Variants in INPP5A observed in about 807,000 individuals in gnomAD.
INPP5A encodes inositol polyphosphate-5-phosphatase A.
Under a neutral mutation model 65.2 loss-of-function variants are expected in INPP5A, and 14 were observed. The observed-to-expected ratio is 0.21, with a 90% CI of 0.14 to 0.34. INPP5A has a LOEUF of 0.34. INPP5A is among the 10% of genes least tolerant of loss of function. The pLI, the probability that INPP5A is intolerant of heterozygous loss-of-function variation, is 1.00. For missense variants in INPP5A, 431 were observed against 545.6 expected, an observed-to-expected ratio of 0.79 and a Z score of 2.09; for synonymous variants, 207 against 208.3, an observed-to-expected ratio of 0.99 and a Z score of 0.05.
Position 132,675,932 on chromosome 10 carries a change from G to A in INPP5A, c.307-14460G>A, listed in dbSNP as rs535639438. ...ATAATGCACATAACCAGTTTCTCCA[G>A]AACATGTATACATGAAATGTAATTG... On this transcript the variant is annotated intron_variant, in intron 4 of 15. Coordinates refer to ENST00000368594, the MANE Select transcript of INPP5A (RefSeq NM_005539.5). This position sits in a 1 kb window ranked among gnomAD's most constrained non-coding sequence, Gnocchi z 4.2. Among the ~76,000 whole-genome samples, 1 of 152,260 alleles carries A rather than the reference G, an allele frequency of 6.6e-6. No homozygotes were observed. The highest frequency in any genetic ancestry group is 1.9e-4 in the East Asian group (1 of 5,184).
chr10:132,712,543 C>T (rs935255975), intron 8 of INPP5A, among the ~76,000 whole-genome samples: 1 of 146,038 alleles, frequency 6.8e-6, no homozygotes, highest in Admixed American at 6.8e-5. Flanking sequence ...TGTGTGCACA[C>T]GTGGACACAT....
At chr10:132,649,275 C>T (rs1039501327) in intron 3 of INPP5A, among the ~76,000 whole-genome samples, 20 of 152,244 alleles carry the variant, frequency 1.3e-4, no homozygotes, top group African/African-American at 4.3e-4. Context: ...GCGTTCCTTT[C>T]GCTGTCTGGT....
Position 132,678,264 on chromosome 10 carries a change from G to T in INPP5A, c.307-12128G>T, listed in dbSNP as rs2072995277. Among the ~76,000 whole-genome samples the T allele has an allele frequency of 6.6e-6, 1 of 152,202 alleles. No individual in the cohort carries two copies. Among genetic ancestry groups the T allele is most frequent in the Non-Finnish European group, 1.5e-5 (1 of 68,030 alleles). On this transcript the variant is annotated intron_variant, in intron 4 of 15. Transcript: ENST00000368594. This position sits in a 1 kb window ranked among gnomAD's most constrained non-coding sequence, Gnocchi z 4.1. Reference sequence around the variant, plus strand: ...TGAGGACGCCGCCTTGTCCAGTTGGGTCAGCCGCCCATGAGTTCATTATAC... The same window carrying T: ...TGAGGACGCCGCCTTGTCCAGTTGGTTCAGCCGCCCATGAGTTCATTATAC...
At chr10:132,691,492 C>T (rs1233560139) in intron 5 of INPP5A, among the ~76,000 whole-genome samples, 1 of 152,244 alleles carries the variant, frequency 6.6e-6, no homozygotes, top group Non-Finnish European at 1.5e-5. Flanking sequence ...AAGCTGGAGC[C>T]AAGGAGCTGG....
chr10:132,756,273 C>T lies in INPP5A; in HGVS notation c.903+6428C>T, dbSNP rs148819882. 2.6e-4 allele frequency among the ~76,000 whole-genome samples: 40 copies of T among 151,810 alleles called. No individual in the cohort carries two copies. In the East Asian group the frequency reaches 4.4e-3, roughly 17 times the overall value. ...TGTGCACTCACGTGTGTGGTGTGTACGCATGCGTGTGCATGTGCACTAGTG... is the reference window on the plus strand; with the variant it reads ...TGTGCACTCACGTGTGTGGTGTGTATGCATGCGTGTGCATGTGCACTAGTG... On this transcript the variant is annotated intron_variant, in intron 11 of 15. Transcript: ENST00000368594.
intron 9 of INPP5A, among the ~76,000 whole-genome samples, chr10:132,745,929 C>G (rs548064962): frequency 6.6e-6 from 1 of 152,142 alleles, no homozygotes; most frequent in Non-Finnish European, 1.5e-5. Context: ...CAGGCGGGTG[C>G]GTGAGAGCTC....
chr10:132,643,968 C>T (rs117696786), intron 2 of INPP5A, among the ~76,000 whole-genome samples: 2,283 of 152,288 alleles, frequency 0.015, 31 homozygotes, highest in South Asian at 0.039. Context: ...CAAGCCCACC[C>T]ACTCTTCCCC....
intron 2 of INPP5A, among the ~76,000 whole-genome samples, chr10:132,620,811 A>G (rs926148214): frequency 1.3e-5 from 2 of 152,230 alleles, no homozygotes; most frequent in Non-Finnish European, 2.9e-5. Flanking sequence ...CAGAAATTCT[A>G]CAGAGCCTTT....
At chr10:132,765,453 G>A (rs952871359) in intron 11 of INPP5A, among the ~76,000 whole-genome samples, 1 of 152,244 alleles carries the variant, frequency 6.6e-6, no homozygotes, top group Non-Finnish European at 1.5e-5. Context: ...CTAGGGAGGA[G>A]AGGCCGAGAG....
At position 132,636,522 on chromosome 10, in the gene INPP5A, T is replaced by G. The variant is rs532934352; in HGVS notation, c.118-9346T>G. The stretch of plus-strand genomic sequence containing the variant: ...CAAACTGCACTCCCTCCACCCTGGT[T>G]TGCAGCCCAAGCCAGCCTGCTGCAC... On this transcript the variant is annotated intron_variant, in intron 2 of 15. Coordinates refer to ENST00000368594, the MANE Select transcript of INPP5A (RefSeq NM_005539.5). Among the ~76,000 whole-genome samples, 12 of 152,346 alleles carry G rather than the reference T, an allele frequency of 7.9e-5. No individual in the cohort carries two copies. In the South Asian group the frequency reaches 1.9e-3, roughly 24 times the overall value.
chr10:132,683,521 G>A (rs565596110), intron 4 of INPP5A, among the ~76,000 whole-genome samples: 29 of 152,372 alleles, frequency 1.9e-4, no homozygotes, highest in Admixed American at 1.5e-3. Context: ...CGTGTCTGCA[G>A]TGACCCAGCA....
rs929670410 is a variant in INPP5A, at chr10:132,644,261, C to T, written c.118-1607C>T. On this transcript the variant is annotated intron_variant, in intron 2 of 15. Coordinates refer to ENST00000368594, the MANE Select transcript of INPP5A (RefSeq NM_005539.5). This position sits in a 1 kb window ranked among gnomAD's most constrained non-coding sequence, Gnocchi z 6.5. The stretch of plus-strand genomic sequence containing the variant: ...GGGAGGGGCCCACTCGGTGCATCCA[C>T]GCAGAGGCGGCTGCGAACTCAGGCA... Among the ~76,000 whole-genome samples, 2 of 152,208 alleles carry T rather than the reference C, an allele frequency of 1.3e-5. No individual in the cohort carries two copies. The highest frequency in any genetic ancestry group is 2.9e-5 in the Non-Finnish European group (2 of 68,022).
intron 9 of INPP5A, among the ~76,000 whole-genome samples, chr10:132,736,918 C>A (rs1471825566): frequency 2.0e-5 from 3 of 152,232 alleles, no homozygotes; most frequent in African/African-American, 7.2e-5. Flanking sequence ...TTGTTGAGCC[C>A]CTCTGCCCCC....
At chr10:132,722,760 A>G (rs933517660) in intron 8 of INPP5A, among the ~76,000 whole-genome samples, 1 of 152,190 alleles carries the variant, frequency 6.6e-6, no homozygotes, top group African/African-American at 2.4e-5. Context: ...CAAAACAGAG[A>G]GAGACACCCA....
intron 11 of INPP5A, among the ~76,000 whole-genome samples, chr10:132,753,000 T>C (rs1047624628): frequency 6.6e-5 from 10 of 152,176 alleles, no homozygotes; most frequent in African/African-American, 2.2e-4. Context: ...GGGAGTCCCA[T>C]GTGGAAAGGC....
intron 6 of INPP5A, among the ~76,000 whole-genome samples, chr10:132,699,370 G>GC (rs796996487): frequency 1.1e-3 from 158 of 149,010 alleles, no homozygotes; most frequent in African/African-American, 3.7e-3. Context: ...GGTGGGGGGG[G>GC]GCTGGGCTGG....
chr10:132,620,749 C>T (rs952427373), intron 2 of INPP5A, among the ~76,000 whole-genome samples: 2 of 152,142 alleles, frequency 1.3e-5, no homozygotes, highest in African/African-American at 4.8e-5. Flanking sequence ...CACAAAAACC[C>T]TCCCAGCCCA....
At position 132,644,807 on chromosome 10, in the gene INPP5A, C is replaced by T. The variant is rs995844310; in HGVS notation, c.118-1061C>T. On this transcript the variant is annotated intron_variant, in intron 2 of 15. Transcript: ENST00000368594. This position sits in a 1 kb window ranked among gnomAD's most constrained non-coding sequence, Gnocchi z 6.5. ...AATCAGTGCCTCACCCCTCATCCTG[C>T]TCAAGTGAAATGGGGCTCCCCGACT... 6.6e-6 allele frequency among the ~76,000 whole-genome samples: 1 copy of T among 152,206 alleles called. No homozygotes were observed. The highest frequency in any genetic ancestry group is 1.5e-5 in the Non-Finnish European group (1 of 68,044).
chr10:132,645,754 GTC>G, intron 2 of INPP5A, 112 bp from the exon 3 acceptor site: 1 of 753,434 alleles, frequency 1.3e-6, no homozygotes, highest in East Asian at 2.7e-5. Flanking sequence ...ATGGGGCCCC[GTC>G]TCTGCCAGAC....
Sources: allele counts gnomAD v4.1 joint callset (sites outside exome capture counted in the v4.1 genomes callset), GRCh38; gene constraint gnomAD v4.1.1; non-coding constraint Gnocchi (gnomAD v3.1); transcripts MANE v1.5; gene names NCBI Gene and HGNC (gene_info 2026-07-23, HGNC 2026-07-21).